ASPH: variants seen among roughly 807,000 people sequenced by gnomAD.
ASPH encodes the protein aspartate beta-hydroxylase, also known as aspartyl/asparaginyl beta-hydroxylase.
A neutral mutation model predicts 118.4 loss-of-function variants in ASPH; 100 were observed. That is an observed-to-expected ratio of 0.84 (90% confidence interval 0.72 to 1.00). The LOEUF is 1.00. Among genes scored for constraint, ASPH ranks in the 50% least tolerant of loss-of-function variants. The pLI is 0.00. For synonymous variants in ASPH, 315 were observed against 325.6 expected, an observed-to-expected ratio of 0.97 and a Z score of 0.35; for missense variants, 920 against 919.5, an observed-to-expected ratio of 1.00 and a Z score of -0.01.
intron 1 of ASPH, among the ~76,000 whole-genome samples, chr8:61,685,943 A>G (rs961223515): frequency 6.6e-6 from 1 of 151,914 alleles, no homozygotes; most frequent in African/African-American, 2.4e-5. Context: ...TAATTTTTGT[A>G]TTTTTAGTAG....
intron 1 of ASPH, among the ~76,000 whole-genome samples, chr8:61,695,398 G>A (rs1833688641): frequency 6.6e-6 from 1 of 152,128 alleles, no homozygotes; most frequent in African/African-American, 2.4e-5. Context: ...TTAGTGTTGT[G>A]TCACCCCCCT....
chr8:61,633,600 G>C (rs1856528669), intron 13 of ASPH, 83 bp downstream of exon 13: 2 of 1,212,406 alleles, frequency 1.6e-6, no homozygotes, highest in Non-Finnish European at 2.3e-6. Flanking sequence ...ATCCTTCGTA[G>C]ATTCATTATA....
chr8:61,684,280 G>T, intron 1 of ASPH, 92 bp from the exon 2 acceptor site: 1 of 1,322,326 alleles, frequency 7.6e-7, no homozygotes, highest in Non-Finnish European at 1.0e-6. Context: ...TTGGGATTAT[G>T]TACAATGATA....
chr8:61,583,055 T>C (rs1838081877), intron 15 of ASPH: 1 of 152,280 alleles, frequency 6.6e-6, no homozygotes, highest in South Asian at 2.1e-4. Flanking sequence ...ATGCAAGTAA[T>C]ATTTCAAATA....
intron 21 of ASPH, among the ~76,000 whole-genome samples, chr8:61,538,085 T>A (rs1382202160): frequency 6.6e-6 from 1 of 152,152 alleles, no homozygotes; most frequent in Non-Finnish European, 1.5e-5. Context: ...TACCAAAACG[T>A]CACGGGAGAA....
rs756734362 is a variant in ASPH at position 61,517,625 on chromosome 8, A to G, written c.2029T>C (p.Trp677Arg). 4.3e-6 allele frequency: 7 copies of G among 1,614,110 alleles called. No individual in the cohort carries two copies. In the South Asian group the frequency reaches 7.7e-5, roughly 18 times the overall value. The change falls in exon 24 of 25, where the codon TGG becomes CGG. Residue 677 changes from tryptophan to arginine, a missense_variant. Coordinates refer to ENST00000379454, the MANE Select transcript of ASPH (RefSeq NM_004318.4). ...YSIMHPGTHVWPHTGPTNCRL... is the reference protein window; with the variant it reads ...YSIMHPGTHVRPHTGPTNCRL... Reference sequence around the variant, plus strand: ...CAGTTTGTGGGCCCTGTGTGCGGCCACACGTGAGTCCCGGGGTGCATGATG... The same window carrying G: ...CAGTTTGTGGGCCCTGTGTGCGGCCGCACGTGAGTCCCGGGGTGCATGATG...
At chr8:61,534,341 T>A (rs1818689421) in intron 21 of ASPH, among the ~76,000 whole-genome samples, 1 of 152,180 alleles carries the variant, frequency 6.6e-6, no homozygotes, top group African/African-American at 2.4e-5. Flanking sequence ...TAATATGTAA[T>A]CCAACCATCT....
At chr8:61,666,881 C>A (rs909078954) in intron 3 of ASPH, among the ~76,000 whole-genome samples, 10 of 152,172 alleles carry the variant, frequency 6.6e-5, no homozygotes, top group African/African-American at 2.4e-4. Flanking sequence ...GCAATGCTAT[C>A]ATGTCTTATT....
chr8:61,681,038 T>C lies in ASPH; in HGVS notation c.254-2A>G. ...CAGCATCATAGATTCCTAGTTTTCC[T>C]ATAATAGGGCAGAAATGATGGATAT... On this transcript the variant is annotated splice_acceptor_variant, in intron 2 of 24. Coordinates refer to ENST00000379454, the MANE Select transcript of ASPH (RefSeq NM_004318.4). LOFTEE classifies it high-confidence loss of function. 1 of 1,590,694 alleles carries C rather than the reference T, an allele frequency of 6.3e-7. No homozygotes were observed. The highest frequency in any genetic ancestry group is 8.6e-7 in the Non-Finnish European group (1 of 1,168,576).
intron 1 of ASPH, among the ~76,000 whole-genome samples, chr8:61,697,263 T>C (rs1483853910): frequency 1.3e-5 from 2 of 152,236 alleles, no homozygotes; most frequent in African/African-American, 4.8e-5. Flanking sequence ...TATAAGGATA[T>C]TGGGAAAACT....
chr8:61,698,910 A>G (rs1046272322), intron 1 of ASPH, among the ~76,000 whole-genome samples: 1 of 152,244 alleles, frequency 6.6e-6, no homozygotes, highest in African/African-American at 2.4e-5. Context: ...GCAACTAAAA[A>G]TTGCATAAAC....
chr8:61,521,435 G>A (rs1369450516), intron 22 of ASPH, among the ~76,000 whole-genome samples: 1 of 152,184 alleles, frequency 6.6e-6, no homozygotes, highest in Admixed American at 6.5e-5. Context: ...CCATTTTTCA[G>A]ATGAGGGATT....
chr8:61,703,601 A>G (rs549706282), intron 1 of ASPH, among the ~76,000 whole-genome samples: 1 of 152,238 alleles, frequency 6.6e-6, no homozygotes, highest in African/African-American at 2.4e-5. Flanking sequence ...ATCTACAAAA[A>G]AAAAGGCAGA....
intron 19 of ASPH, among the ~76,000 whole-genome samples, chr8:61,553,897 T>C (rs1826910588): frequency 6.6e-6 from 1 of 152,242 alleles, no homozygotes. Context: ...ACAAGAAGCC[T>C]ATTATCTTTC....
chr8:61,560,388 A>G (rs538746314), intron 18 of ASPH, among the ~76,000 whole-genome samples: 1 of 152,382 alleles, frequency 6.6e-6, no homozygotes, highest in East Asian at 1.9e-4. Flanking sequence ...AAATAAAAAT[A>G]TCAATGATTT....
At chr8:61,648,877 G>A (rs1443784290) in intron 5 of ASPH, among the ~76,000 whole-genome samples, 3 of 152,196 alleles carry the variant, frequency 2.0e-5, no homozygotes, top group Admixed American at 1.3e-4. Flanking sequence ...TGGGGGCAGG[G>A]AGGTTATGCT....
At chr8:61,542,015 T>C (rs902165884) in intron 21 of ASPH, among the ~76,000 whole-genome samples, 1 of 152,236 alleles carries the variant, frequency 6.6e-6, no homozygotes, top group Non-Finnish European at 1.5e-5. Flanking sequence ...GAGCTTTTAG[T>C]TGATGGTTCC....
At chr8:61,587,717 C>A (rs1316126888) in intron 14 of ASPH, among the ~76,000 whole-genome samples, 1 of 152,118 alleles carries the variant, frequency 6.6e-6, no homozygotes, top group South Asian at 2.1e-4. Flanking sequence ...TTTCATATAT[C>A]TTCATATTTG....
chr8:61,614,249 T>C (rs1848335812), intron 14 of ASPH, among the ~76,000 whole-genome samples: 1 of 152,196 alleles, frequency 6.6e-6, no homozygotes, highest in African/African-American at 2.4e-5. Context: ...AGTATAAGTC[T>C]AAATAAAAAA....
Sources: gnomAD v4.1 joint callset for allele counts (sites outside exome capture counted in the v4.1 genomes callset) on GRCh38, gnomAD v4.1.1 for gene constraint, MANE v1.5 for transcripts, NCBI Gene and HGNC (gene_info 2026-07-23, HGNC 2026-07-21) for gene names.